Variants in GRID2 observed in about 807,000 individuals in gnomAD.
The protein encoded by GRID2 is glutamate receptor ionotropic, delta-2.
In GRID2, 33 loss-of-function variants were observed where a neutral mutation model predicts 114.8. The observed-to-expected ratio is 0.29, with a 90% confidence interval of 0.22 to 0.38. The LOEUF (loss-of-function observed/expected upper bound fraction) is 0.38. GRID2 is among the 10% of genes least tolerant of loss of function. The pLI, the probability that GRID2 is intolerant of heterozygous loss-of-function variation, is 1.00. For synonymous variants in GRID2, 505 were observed against 449.9 expected (o/e 1.12, Z -1.55); for missense variants, 1,184 against 1,257.7 (o/e 0.94, Z 0.89).
chr4:92,879,495 T>C (rs1250333981), intron 2 of GRID2, among the ~76,000 whole-genome samples: 1 of 152,194 alleles, frequency 6.6e-6, no homozygotes, highest in African/African-American at 2.4e-5. Flanking sequence ...TGTATACCCA[T>C]ACAGCTGACT....
intron 1 of GRID2, among the ~76,000 whole-genome samples, chr4:92,548,041 T>C (rs1323489676): frequency 6.6e-6 from 1 of 151,952 alleles, no homozygotes. Flanking sequence ...GCAACAATAA[T>C]GATAAAATGT....
intron 13 of GRID2, among the ~76,000 whole-genome samples, chr4:93,529,426 G>C (rs1210118766): frequency 6.6e-6 from 1 of 152,162 alleles, no homozygotes; most frequent in East Asian, 1.9e-4. Flanking sequence ...AAGTCTTAGA[G>C]CCCACGGCAG....
At chr4:93,090,890 A>G (rs995993488) in intron 3 of GRID2, among the ~76,000 whole-genome samples, 4 of 152,108 alleles carry the variant, frequency 2.6e-5, no homozygotes, top group Non-Finnish European at 2.9e-5. Context: ...CCCTCTGGTA[A>G]CGCCAGGTGT....
chr4:92,352,820 T>A (rs1204353065), intron 1 of GRID2, among the ~76,000 whole-genome samples: 1 of 152,006 alleles, frequency 6.6e-6, no homozygotes, highest in Non-Finnish European at 1.5e-5. Context: ...GTAAACACTT[T>A]TGCTTTTAAC....
intron 1 of GRID2, among the ~76,000 whole-genome samples, chr4:92,543,149 G>A (rs939947375): frequency 2.0e-5 from 3 of 152,060 alleles, no homozygotes; most frequent in Non-Finnish European, 4.4e-5. Context: ...GGAAAAGAAA[G>A]ATATATAATA....
chr4:92,408,969 C>G (rs1425393828), intron 1 of GRID2, among the ~76,000 whole-genome samples: 3 of 151,990 alleles, frequency 2.0e-5, no homozygotes, highest in African/African-American at 7.2e-5. Context: ...TATTTTCTCT[C>G]TTGCCTGATT....
At chr4:92,755,652 T>C (rs1477789186) in intron 2 of GRID2, among the ~76,000 whole-genome samples, 2 of 151,894 alleles carry the variant, frequency 1.3e-5, no homozygotes, top group Non-Finnish European at 2.9e-5. Context: ...AATGTATTAA[T>C]GAAACAAAAA....
intron 8 of GRID2, among the ~76,000 whole-genome samples, chr4:93,284,340 T>C (rs937746608): frequency 1.5e-4 from 23 of 151,980 alleles, no homozygotes; most frequent in African/African-American, 5.1e-4. Flanking sequence ...TCAACACACA[T>C]TGGGGCACAC....
At chr4:93,729,290 T>C (rs1040537844) in intron 14 of GRID2, among the ~76,000 whole-genome samples, 5 of 152,078 alleles carry the variant, frequency 3.3e-5, no homozygotes, top group Admixed American at 2.0e-4. Context: ...AATATCAAGT[T>C]CTAGTAAATT....
At chr4:93,718,238 G>A (rs1258572068) in intron 14 of GRID2, among the ~76,000 whole-genome samples, 3 of 152,124 alleles carry the variant, frequency 2.0e-5, no homozygotes, top group African/African-American at 7.2e-5. Flanking sequence ...CAGGAAAATG[G>A]AATCATAAAG....
rs145333453 is a variant in GRID2, at chr4:92,337,432, G to C, written c.88+32688G>C. On this transcript the variant is annotated intron_variant, in intron 1 of 15. Transcript: ENST00000282020. ...TTGGGTAAGCAATTTATTGAGGAAT[G>C]TGCCCAGAAGAAAAGTGAACTGAGT... 3.3e-3 allele frequency among the ~76,000 whole-genome samples: 504 copies of C among 152,236 alleles called. 3 individuals carry two copies. Among genetic ancestry groups the C allele is most frequent in the African/African-American group, 0.011 (464 of 41,562 alleles).
At chr4:92,391,914 T>A (rs955284753) in intron 1 of GRID2, among the ~76,000 whole-genome samples, 1 of 152,236 alleles carries the variant, frequency 6.6e-6, no homozygotes, top group Non-Finnish European at 1.5e-5. Context: ...TGGTGTCTGC[T>A]GCTAAAATCA....
intron 14 of GRID2, among the ~76,000 whole-genome samples, chr4:93,741,187 A>ATG (rs1731367806): frequency 3.1e-5 from 1 of 32,694 alleles, no homozygotes; most frequent in African/African-American, 9.5e-5. Flanking sequence ...ATATATATAT[A>ATG]TATATATATA....
intron 1 of GRID2, among the ~76,000 whole-genome samples, chr4:92,332,422 A>G (rs1456472980): frequency 1.3e-5 from 2 of 152,126 alleles, no homozygotes; most frequent in Non-Finnish European, 2.9e-5. Flanking sequence ...CCACTATTGC[A>G]CTGGGGAATA....
intron 2 of GRID2, among the ~76,000 whole-genome samples, chr4:93,071,878 T>C (rs1728838576): frequency 6.6e-6 from 1 of 152,116 alleles, no homozygotes. Context: ...AAAAAAATTA[T>C]CCATGGAGCT....
At chr4:92,718,462 A>G (rs1735650090) in intron 2 of GRID2, among the ~76,000 whole-genome samples, 1 of 152,030 alleles carries the variant, frequency 6.6e-6, no homozygotes, top group Non-Finnish European at 1.5e-5. Flanking sequence ...ATTATATAAA[A>G]GTATATATTT....
chr4:93,506,012 G>A (rs775132602), intron 12 of GRID2, among the ~76,000 whole-genome samples: 17 of 152,224 alleles, frequency 1.1e-4, no homozygotes, highest in African/African-American at 4.8e-5. Flanking sequence ...GCAGTAAGAC[G>A]TGCAGCATTT....
At chr4:92,541,661 C>T (rs1725965584) in intron 1 of GRID2, among the ~76,000 whole-genome samples, 2 of 150,860 alleles carry the variant, frequency 1.3e-5, no homozygotes, top group Admixed American at 1.3e-4. Flanking sequence ...TATGAGTGGT[C>T]AAAAATAAAA....
chr4:92,319,842 A>G (rs1486410606), intron 1 of GRID2, among the ~76,000 whole-genome samples: 2 of 152,208 alleles, frequency 1.3e-5, no homozygotes, highest in Non-Finnish European at 2.9e-5. Context: ...TTCAGTTTTA[A>G]TCAGGAATAA....
Sources: allele counts gnomAD v4.1 joint callset (sites outside exome capture counted in the v4.1 genomes callset), GRCh38; gene constraint gnomAD v4.1.1; transcripts MANE v1.5; gene names NCBI Gene and HGNC (gene_info 2026-07-23, HGNC 2026-07-21).